DIPK1A: variants seen among roughly 807,000 people sequenced by gnomAD.
DIPK1A encodes divergent protein kinase domain 1A.
A neutral mutation model predicts 40.8 loss-of-function variants in DIPK1A; 27 were observed. The ratio of observed to expected loss-of-function variants is 0.66; its 90% confidence interval spans 0.49 to 0.91. The LOEUF is 0.91. DIPK1A is among the 40% of genes least tolerant of loss of function. The pLI is 0.00. For synonymous variants in DIPK1A, 166 were observed against 171.3 expected, an observed-to-expected ratio of 0.97 and a Z score of 0.24; for missense variants, 412 against 505.7, an observed-to-expected ratio of 0.81 and a Z score of 1.78.
chr1:92,921,811 T>A (rs962123929), intron 1 of DIPK1A, among the ~76,000 whole-genome samples: 1 of 152,188 alleles, frequency 6.6e-6, no homozygotes, highest in East Asian at 1.9e-4. Flanking sequence ...AGGAGTTCTA[T>A]CCTCAGCCCT....
At chr1:92,862,379 C>G (rs969670950) in intron 2 of DIPK1A, among the ~76,000 whole-genome samples, 1 of 152,142 alleles carries the variant, frequency 6.6e-6, no homozygotes, top group Admixed American at 6.5e-5. Flanking sequence ...ACCTAGGCAC[C>G]GAGGGAGGAA....
chr1:92,893,156 A>C (rs1265131854), intron 1 of DIPK1A, among the ~76,000 whole-genome samples: 2 of 151,460 alleles, frequency 1.3e-5, no homozygotes. Context: ...AGAGAACGCC[A>C]CAAAGATACT....
intron 1 of DIPK1A, among the ~76,000 whole-genome samples, chr1:92,945,220 A>G (rs542797234): frequency 3.9e-5 from 6 of 152,206 alleles, no homozygotes; most frequent in Non-Finnish European, 7.3e-5. Flanking sequence ...GTGAGAGTAC[A>G]GAAAAAATAA....
chr1:92,938,116 A>G (rs550866459), intron 1 of DIPK1A, among the ~76,000 whole-genome samples: 64 of 152,328 alleles, frequency 4.2e-4, no homozygotes, highest in African/African-American at 1.5e-3. Context: ...TACAATACAT[A>G]CAAAAATTAG....
chr1:92,945,792 T>A (rs1651336989), intron 1 of DIPK1A, among the ~76,000 whole-genome samples: 1 of 152,184 alleles, frequency 6.6e-6, no homozygotes, highest in South Asian at 2.1e-4. Flanking sequence ...GGGGAGCGGA[T>A]GACAGAAGAA....
chr1:92,933,248 A>C (rs1345245393), intron 1 of DIPK1A: 1 of 152,230 alleles, frequency 6.6e-6, no homozygotes, highest in Non-Finnish European at 1.5e-5. Flanking sequence ...ACTTAAAATA[A>C]AAATCAACAG....
chr1:92,889,167 T>G (rs1648743712), intron 1 of DIPK1A, among the ~76,000 whole-genome samples: 1 of 152,220 alleles, frequency 6.6e-6, no homozygotes, highest in African/African-American at 2.4e-5. Context: ...TTAATCCATT[T>G]TGAGTTGACT....
chr1:92,882,323 G>C (rs1355347251), intron 1 of DIPK1A, among the ~76,000 whole-genome samples: 1 of 152,234 alleles, frequency 6.6e-6, no homozygotes, highest in African/African-American at 2.4e-5. Context: ...GGGAGGCAGA[G>C]GTTGCAGTGA....
chr1:92,849,847 G>A (rs1183303028), intron 3 of DIPK1A, among the ~76,000 whole-genome samples: 1 of 151,944 alleles, frequency 6.6e-6, no homozygotes, highest in Admixed American at 6.6e-5. Context: ...GTAGAGACAG[G>A]GTTTTGCTAT....
chr1:92,946,943 C>CA (rs36065493), intron 1 of DIPK1A, among the ~76,000 whole-genome samples: 34,093 of 108,020 alleles, frequency 0.32, 4,788 homozygotes, highest in Non-Finnish European at 0.38. Flanking sequence ...GACCCTGTCT[C>CA]AAAAAAAAAA....
intron 4 of DIPK1A, chr1:92,834,987 CA>C (rs1687061097): frequency 2.5e-6 from 4 of 1,587,658 alleles, no homozygotes; most frequent in Admixed American, 1.7e-5. Context: ...GATGTTTGTA[CA>C]TGGATAAGAT....
At chr1:92,890,840 G>C (rs898524410) in intron 1 of DIPK1A, among the ~76,000 whole-genome samples, 1 of 152,086 alleles carries the variant, frequency 6.6e-6, no homozygotes, top group African/African-American at 2.4e-5. Flanking sequence ...AGAATAAGTT[G>C]GAAGAATGCC....
intron 4 of DIPK1A, among the ~76,000 whole-genome samples, chr1:92,844,953 T>C (rs1687527124): frequency 7.1e-6 from 1 of 140,564 alleles, no homozygotes; most frequent in Non-Finnish European, 1.5e-5. Flanking sequence ...TTTTTTTTTT[T>C]TTTTTTTTTG....
intron 1 of DIPK1A, among the ~76,000 whole-genome samples, chr1:92,886,562 A>C (rs1373056052): frequency 1.3e-5 from 2 of 152,104 alleles, no homozygotes; most frequent in African/African-American, 4.8e-5. Context: ...TTTACAGCAC[A>C]GGTGTGCCAT....
chr1:92,872,555 A>C (rs1647924886), intron 2 of DIPK1A, among the ~76,000 whole-genome samples: 1 of 152,064 alleles, frequency 6.6e-6, no homozygotes, highest in South Asian at 2.1e-4. Flanking sequence ...ATCTGTGTTT[A>C]TCTCTTGATT....
chr1:92,860,674 C>G (rs1647220452), intron 2 of DIPK1A, among the ~76,000 whole-genome samples: 1 of 123,016 alleles, frequency 8.1e-6, no homozygotes, highest in African/African-American at 3.0e-5. Context: ...GTCCCAGCTA[C>G]TGGGGTGGCT....
chr1:92,847,870 G>T (rs1389304100), intron 3 of DIPK1A, among the ~76,000 whole-genome samples: 1 of 152,120 alleles, frequency 6.6e-6, no homozygotes, highest in Non-Finnish European at 1.5e-5. Flanking sequence ...CAAGTAGCCA[G>T]GACTATAGGC....
At chr1:92,902,602 G>T (rs575363154) in intron 1 of DIPK1A, among the ~76,000 whole-genome samples, 56 of 152,324 alleles carry the variant, frequency 3.7e-4, no homozygotes, top group Non-Finnish European at 1.0e-4. Context: ...TGTGAAAACT[G>T]CAGGGGACCC....
At chr1:92,850,579 G>A (rs1557452263) in intron 3 of DIPK1A, among the ~76,000 whole-genome samples, 1 of 152,184 alleles carries the variant, frequency 6.6e-6, no homozygotes, top group Non-Finnish European at 1.5e-5. Context: ...TACATGGGAG[G>A]CTGAGGTGGG....
Sources: gnomAD v4.1 joint callset for allele counts (sites outside exome capture counted in the v4.1 genomes callset) on GRCh38, gnomAD v4.1.1 for gene constraint, MANE v1.5 for transcripts, NCBI Gene and HGNC (gene_info 2026-07-23, HGNC 2026-07-21) for gene names.